The following PTPRE variants were observed in gnomAD, a reference collection of about 807,000 sequenced individuals.
PTPRE encodes the protein receptor-type tyrosine-protein phosphatase epsilon.
PTPRE carries 51 observed loss-of-function variants against 102.0 expected under a neutral mutation model. The ratio of observed to expected loss-of-function variants is 0.50; its 90% CI spans 0.40 to 0.63. PTPRE has a LOEUF of 0.63. Among genes scored for constraint, PTPRE ranks in the 30% least tolerant of loss-of-function variants. The pLI, the probability that PTPRE is intolerant of heterozygous loss-of-function variation, is 0.00. For missense variants in PTPRE, 752 were observed against 915.1 expected, an observed-to-expected ratio of 0.82 and a Z score of 2.30; for synonymous variants, 345 against 348.2, an observed-to-expected ratio of 0.99 and a Z score of 0.10.
intron 2 of PTPRE, chr10:127,999,951 C>G: frequency 1.0e-6 from 1 of 985,428 alleles, no homozygotes; most frequent in Non-Finnish European, 1.2e-6. Context: ...CTACTGAGAA[C>G]GCGGTGCTCT....
In PTPRE at chr10:128,070,599, C is replaced by T. The variant is rs540781060; in HGVS notation, c.1293+149C>T. ...GGGGCAATACCTGAGCCATGATTTA[C>T]AAGGGAAGAAGGATCAGGTGGCTTT... On this transcript the variant is annotated intron_variant, in intron 14 of 20. Transcript: ENST00000254667. The surrounding 1 kb of genome is among the most constrained non-coding windows in gnomAD (Gnocchi z 4.8). 7.3e-6 allele frequency: 9 copies of T among 1,240,012 alleles called. No homozygotes were observed. The highest frequency in any genetic ancestry group is 6.1e-5 in the African/African-American group (4 of 65,798). 76.8% of individuals were successfully genotyped at this position (1,240,012 alleles called of 1,614,324 possible).
At chr10:128,075,682 G>A (rs1276429346) in intron 17 of PTPRE, among the ~76,000 whole-genome samples, 1 of 152,082 alleles carries the variant, frequency 6.6e-6, no homozygotes, top group Admixed American at 6.5e-5. Flanking sequence ...TACCTAGTAT[G>A]GTATTCTCAA....
At chr10:128,068,476 C>T in intron 12 of PTPRE, 190 bp downstream of exon 12, 1 of 536,886 alleles carries the variant, frequency 1.9e-6, no homozygotes, top group East Asian at 3.4e-5. Flanking sequence ...AGAGCCCCCT[C>T]TTCATCCCAG....
intron 17 of PTPRE, 67 bp from the exon 18 acceptor site, chr10:128,076,536 A>G: frequency 6.8e-7 from 1 of 1,471,308 alleles, no homozygotes; most frequent in Non-Finnish European, 9.1e-7. Context: ...ATTCTGTGTT[A>G]TAAACTCAAA....
chr10:128,027,101 G>A (rs1290931068), intron 2 of PTPRE, among the ~76,000 whole-genome samples: 1 of 152,222 alleles, frequency 6.6e-6, no homozygotes, highest in Non-Finnish European at 1.5e-5. Context: ...AGGACTTATA[G>A]TAGTCCCTAT....
Position 127,964,864 on chromosome 10 carries a change from C to T in PTPRE, c.-30-17410C>T, listed in dbSNP as rs1022577549. On this transcript the variant is annotated intron_variant, in intron 1 of 20. Coordinates refer to ENST00000254667, the MANE Select transcript of PTPRE (RefSeq NM_006504.6). ...AGCCAGTTGTCTAGTTGTCAGAAGC[C>T]GAGCTCATCAGCGGGCTCCTGGTGT... 4.4e-4 allele frequency: 162 copies of T among 367,966 alleles called. 1 individual carries two copies. The highest frequency in any genetic ancestry group is 2.9e-3 in the African/African-American group (137 of 46,772). 22.8% of individuals were successfully genotyped at this position (367,966 alleles called of 1,614,324 possible).
chr10:127,910,913 G>A (rs1217949757), intron 1 of PTPRE, among the ~76,000 whole-genome samples: 1 of 152,114 alleles, frequency 6.6e-6, no homozygotes, highest in African/African-American at 2.4e-5. Context: ...ATGGAACTCT[G>A]TACCAAAAAC....
At chr10:127,937,594 C>T (rs1052041800) in intron 1 of PTPRE, among the ~76,000 whole-genome samples, 7 of 152,188 alleles carry the variant, frequency 4.6e-5, no homozygotes, top group Non-Finnish European at 1.0e-4. Flanking sequence ...CGTGGTGGCT[C>T]ATGCCTGTAA....
At chr10:127,949,162 G>A (rs1159060044) in intron 1 of PTPRE, among the ~76,000 whole-genome samples, 1 of 152,170 alleles carries the variant, frequency 6.6e-6, no homozygotes, top group Non-Finnish European at 1.5e-5. Flanking sequence ...GACCTGGACT[G>A]AACCATGCTG....
intron 2 of PTPRE, among the ~76,000 whole-genome samples, chr10:127,983,073 T>C (rs1851774965): frequency 6.6e-6 from 1 of 152,218 alleles, no homozygotes; most frequent in South Asian, 2.1e-4. Flanking sequence ...ATTGCCTTGT[T>C]TGAAAGGCAC....
At chr10:128,072,555 G>A (rs1564966876) in intron 16 of PTPRE, 1 of 186,960 alleles carries the variant, frequency 5.3e-6, no homozygotes, top group Non-Finnish European at 1.1e-5. Context: ...GGGAAGCTGA[G>A]GCAGGAGAAT....
chr10:128,032,274 C>A (rs757978722), intron 2 of PTPRE, among the ~76,000 whole-genome samples: 9 of 152,150 alleles, frequency 5.9e-5, no homozygotes, highest in Non-Finnish European at 1.3e-4. Context: ...CCTTGGCCTC[C>A]CAAAGTGCTA....
intron 19 of PTPRE, among the ~76,000 whole-genome samples, chr10:128,078,229 G>C (rs1851397137): frequency 6.6e-6 from 1 of 152,178 alleles, no homozygotes; most frequent in Non-Finnish European, 1.5e-5. Context: ...TCCCAACTGG[G>C]ATTGTAGCCA....
chr10:127,965,867 C>T (rs1367228374), intron 1 of PTPRE, among the ~76,000 whole-genome samples: 1 of 152,238 alleles, frequency 6.6e-6, no homozygotes, highest in Admixed American at 6.5e-5. Context: ...CAGCCACAAC[C>T]CTGGACACCT....
intron 3 of PTPRE, among the ~76,000 whole-genome samples, chr10:128,046,923 G>T (rs760936749): frequency 1.4e-4 from 22 of 152,200 alleles, no homozygotes; most frequent in Non-Finnish European, 2.4e-4. Context: ...AGTGCGCCAG[G>T]GCCACAGGCC....
At chr10:128,059,508 A>G (rs1223130629) in intron 7 of PTPRE, among the ~76,000 whole-genome samples, 1 of 152,160 alleles carries the variant, frequency 6.6e-6, no homozygotes, top group Non-Finnish European at 1.5e-5. Context: ...AACACCACAA[A>G]CACAACCCAC....
chr10:128,078,886 G>A (rs944235648), intron 19 of PTPRE, among the ~76,000 whole-genome samples: 3 of 152,208 alleles, frequency 2.0e-5, no homozygotes, highest in African/African-American at 7.2e-5. Context: ...ACAGAGGGCA[G>A]CCAGGCATCT....
intron 2 of PTPRE, among the ~76,000 whole-genome samples, chr10:128,011,352 C>T (rs1287825983): frequency 6.6e-6 from 1 of 152,188 alleles, no homozygotes; most frequent in Non-Finnish European, 1.5e-5. Flanking sequence ...AATGTTTGGG[C>T]ATTGGTGAAG....
At chr10:128,077,532 T>G in intron 18 of PTPRE, 85 bp from the exon 19 acceptor site, 7 of 1,500,790 alleles carry the variant, frequency 4.7e-6, no homozygotes, top group Non-Finnish European at 6.3e-6. Flanking sequence ...GCTCCCAGCC[T>G]TGGCCAATCC....
Sources: gnomAD v4.1 joint callset for allele counts (sites outside exome capture counted in the v4.1 genomes callset) on GRCh38, gnomAD v4.1.1 for gene constraint, Gnocchi (gnomAD v3.1) non-coding constraint, MANE v1.5 for transcripts, NCBI Gene and HGNC (gene_info 2026-07-23, HGNC 2026-07-21) for gene names.